IFT74: variants seen among roughly 807,000 people sequenced by gnomAD.
The protein encoded by IFT74 is intraflagellar transport 74, also known as intraflagellar transport protein 74 homolog.
IFT74 carries 92 observed loss-of-function variants against 96.7 expected under a neutral mutation model. The observed-to-expected ratio is 0.95, with a 90% confidence interval of 0.80 to 1.13. The LOEUF is 1.13. Ranked by LOEUF, IFT74 falls within the 50% of genes most tolerant of loss-of-function variation. The pLI is 0.00. For synonymous variants in IFT74, 223 were observed against 213.2 expected (o/e 1.05, Z -0.40); for missense variants, 811 against 698.2 (o/e 1.16, Z -1.82).
chr9:27,043,736 A>G (rs1239908203), intron 13 of IFT74, among the ~76,000 whole-genome samples: 2 of 152,166 alleles, frequency 1.3e-5, no homozygotes, highest in African/African-American at 2.4e-5. Context: ...AAGCCTGGGA[A>G]TCATACTTGA....
chr9:26,967,275 C>T (rs866368103), intron 2 of IFT74, among the ~76,000 whole-genome samples: 1 of 151,974 alleles, frequency 6.6e-6, no homozygotes, highest in Non-Finnish European at 1.5e-5. Context: ...CAGTTCATTG[C>T]ATCAGTGTTT....
Position 26,980,560 on chromosome 9 carries a change from T to A in IFT74, c.257-11T>A. 1 of 1,349,176 alleles carries A rather than the reference T, an allele frequency of 7.4e-7. No homozygotes were observed. The allele number at this position is 1,349,176 out of a possible 1,614,324, so 83.6% of individuals were successfully genotyped here. On this transcript the variant is annotated splice_polypyrimidine_tract_variant and intron_variant, in intron 3 of 19. Coordinates refer to ENST00000380062, the MANE Select transcript of IFT74 (RefSeq NM_025103.4). ...GAACTGAACACTAACACTTAAAACATTTTTTTTTAGGTCCCCAGAGGCAAA... is the reference window on the plus strand; with the variant it reads ...GAACTGAACACTAACACTTAAAACAATTTTTTTTAGGTCCCCAGAGGCAAA...
At chr9:27,059,172 C>G (rs554216919) in intron 18 of IFT74, among the ~76,000 whole-genome samples, 1 of 152,184 alleles carries the variant, frequency 6.6e-6, no homozygotes, top group Non-Finnish European at 1.5e-5. Flanking sequence ...ATAACATAAG[C>G]CACAATTTCG....
chr9:26,993,599 A>T (rs1018576082), intron 8 of IFT74: 1 of 152,472 alleles, frequency 6.6e-6, no homozygotes, highest in Non-Finnish European at 1.5e-5. Flanking sequence ...TATGACATAG[A>T]TCTATTTTAT....
In IFT74 at chr9:26,999,626, C is replaced by A. The variant is rs769375476; in HGVS notation, c.588-9394C>A. The A allele has an allele frequency of 9.4e-6, 15 of 1,600,778 alleles. No individual in the cohort carries two copies. The East Asian group carries it at 3.4e-4, about 36-fold the overall frequency. On this transcript the variant is annotated intron_variant, in intron 8 of 19. Transcript: ENST00000380062. ...TGTAAAAACTTACTCTTTTAGAAGA[C>A]TGGATTTTGTCTGATAATAATATCA... is the stretch of plus-strand genomic sequence containing the variant.
At chr9:26,995,394 T>C (rs1828089402) in intron 8 of IFT74, 1 of 615,414 alleles carries the variant, frequency 1.6e-6, no homozygotes, top group South Asian at 2.1e-5. Flanking sequence ...AATTTTATGA[T>C]ATTCATGTAT....
chr9:27,034,575 C>T (rs775986647), intron 13 of IFT74, among the ~76,000 whole-genome samples: 16 of 152,220 alleles, frequency 1.1e-4, no homozygotes, highest in South Asian at 4.1e-4. Context: ...GTGGCCCAGG[C>T]TGGAGTAAAA....
At chr9:27,019,012 C>G (rs1829477500) in intron 12 of IFT74, among the ~76,000 whole-genome samples, 2 of 152,040 alleles carry the variant, frequency 1.3e-5, no homozygotes. Context: ...CATTCTGCTG[C>G]CCAGACTGGA....
chr9:26,999,706 G>C (rs763886794), intron 8 of IFT74: 1 of 1,564,910 alleles, frequency 6.4e-7, no homozygotes, highest in African/African-American at 1.4e-5. Context: ...TTGCAGACCT[G>C]ATAGAAAAGA....
chr9:27,038,564 C>A (rs1275190729), intron 13 of IFT74, among the ~76,000 whole-genome samples: 1 of 152,100 alleles, frequency 6.6e-6, no homozygotes, highest in Non-Finnish European at 1.5e-5. Context: ...GGCGTGAGCC[C>A]ACCGCGCCCG....
At chr9:27,057,633 G>A (rs529519305) in intron 18 of IFT74, among the ~76,000 whole-genome samples, 3 of 152,040 alleles carry the variant, frequency 2.0e-5, no homozygotes, top group Non-Finnish European at 2.9e-5. Context: ...TGAGGTGGGC[G>A]GATCACGAGG....
intron 3 of IFT74, 85 bp from the exon 4 acceptor site, chr9:26,980,486 G>T: frequency 1.2e-6 from 1 of 809,668 alleles, no homozygotes; most frequent in Admixed American, 1.8e-5. Flanking sequence ...TGAGAATTGT[G>T]GAGTGTAATT....
intron 16 of IFT74, among the ~76,000 whole-genome samples, chr9:27,049,918 G>A (rs1398375267): frequency 6.6e-6 from 1 of 152,056 alleles, no homozygotes; most frequent in African/African-American, 2.4e-5. Flanking sequence ...AAAGTAAAAA[G>A]AGACAGATTA....
At chr9:26,971,335 G>C (rs1826868295) in intron 2 of IFT74, among the ~76,000 whole-genome samples, 1 of 152,058 alleles carries the variant, frequency 6.6e-6, no homozygotes. Flanking sequence ...TCTGTGACCT[G>C]TTTGGCTAGG....
upstream of IFT74, chr9:26,955,807 G>A (rs116534665): frequency 1.3e-5 from 2 of 149,390 alleles, no homozygotes; most frequent in Non-Finnish European, 3.0e-5. Context: ...TATTAGAGAA[G>A]TGGGATTTAA....
intron 8 of IFT74, chr9:26,996,293 A>G (rs751637787): frequency 2.1e-6 from 3 of 1,452,762 alleles, no homozygotes; most frequent in Admixed American, 3.7e-5. Context: ...GTGTTAATAT[A>G]TAGAACCAGT....
At chr9:26,948,115 G>A (rs1825805376) in intron 1 of IFT74, among the ~76,000 whole-genome samples, 1 of 152,140 alleles carries the variant, frequency 6.6e-6, no homozygotes, top group Non-Finnish European at 1.5e-5. Flanking sequence ...TCTAGGTTTG[G>A]AATCACTTTT....
At chr9:27,018,845 A>G (rs1044637720) in intron 12 of IFT74, among the ~76,000 whole-genome samples, 158 bp downstream of exon 12, 1 of 152,154 alleles carries the variant, frequency 6.6e-6, no homozygotes, top group Non-Finnish European at 1.5e-5. Context: ...TTTTTTTATA[A>G]GTATCTTTAT....
At chr9:26,999,905 G>A (rs1341841329) in intron 8 of IFT74, among the ~76,000 whole-genome samples, 2 of 150,694 alleles carry the variant, frequency 1.3e-5, no homozygotes, top group African/African-American at 4.9e-5. Flanking sequence ...CTAAGTAGCT[G>A]AAACACAAGC....
Sources: gnomAD v4.1 joint callset for allele counts (sites outside exome capture counted in the v4.1 genomes callset) on GRCh38, gnomAD v4.1.1 for gene constraint, MANE v1.5 for transcripts, NCBI Gene and HGNC (gene_info 2026-07-23, HGNC 2026-07-21) for gene names.